The following NAA60 variants were observed in gnomAD, a reference collection of about 807,000 sequenced individuals.
NAA60 encodes N-alpha-acetyltransferase 60.
Under a neutral mutation model 26.1 loss-of-function variants are expected in NAA60, and 8 were observed. The ratio of observed to expected loss-of-function variants is 0.31; its 90% CI spans 0.18 to 0.55. NAA60 has a LOEUF of 0.55. Among genes scored for constraint, NAA60 ranks in the 20% least tolerant of loss-of-function variants. The pLI is 0.93. For missense variants in NAA60, 290 were observed against 311.3 expected (o/e 0.93, Z 0.51); for synonymous variants, 131 against 122.5 (o/e 1.07, Z -0.46).
At chr16:3,466,459 T>A (rs1002139732) in intron 2 of NAA60, among the ~76,000 whole-genome samples, 1 of 152,224 alleles carries the variant, frequency 6.6e-6, no homozygotes, top group African/African-American at 2.4e-5. Context: ...TGCGCAGTGT[T>A]AGCTGCTGAC....
chr16:3,448,615 AT>A (rs2034648916), intron 2 of NAA60, 75 bp downstream of exon 2: 1 of 1,230,662 alleles, frequency 8.1e-7, no homozygotes. Flanking sequence ...AGTGAAATCC[AT>A]TTTTGACCTG....
At chr16:3,455,509 C>T (rs2034954395) in intron 2 of NAA60, among the ~76,000 whole-genome samples, 1 of 151,040 alleles carries the variant, frequency 6.6e-6, no homozygotes, top group Admixed American at 6.6e-5. Flanking sequence ...ATTCTCCTGC[C>T]TCAGCCTCCC....
chr16:3,474,954 A>G (rs1034346156), intron 2 of NAA60, among the ~76,000 whole-genome samples: 1 of 152,048 alleles, frequency 6.6e-6, no homozygotes, highest in African/African-American at 2.4e-5. Context: ...TTGTTTATTT[A>G]TTTATTTTTA....
chr16:3,482,678 C>A, intron 5 of NAA60, 80 bp downstream of exon 5: 1 of 980,144 alleles, frequency 1.0e-6, no homozygotes, highest in Non-Finnish European at 1.5e-6. Context: ...TGCACCCAGT[C>A]TCTTCCCTGG....
chr16:3,483,445 C>T lies in NAA60; in HGVS notation c.420C>T (p.Leu140=). ...DHCKAIYLHV[L]TTNNTAINFY... ...GCAAAGCCATTTACCTGCATGTCCT[C>T]ACCACCAACAACACAGCAATAAACT... is the stretch of plus-strand genomic sequence containing the variant. Residue 140 remains leucine (L), a synonymous_variant, in exon 6 of 8, where the codon CTC becomes CTT. Transcript: ENST00000407558. 2 of 1,614,036 alleles carry T rather than the reference C, an allele frequency of 1.2e-6. No homozygotes were observed. The highest frequency in any genetic ancestry group is 1.7e-6 in the Non-Finnish European group (2 of 1,179,892).
At chr16:3,460,278 T>G (rs1037925057) in intron 2 of NAA60, among the ~76,000 whole-genome samples, 6 of 152,242 alleles carry the variant, frequency 3.9e-5, no homozygotes, top group African/African-American at 7.2e-5. Flanking sequence ...CACATCTGCG[T>G]CATCTCCATT....
chr16:3,483,683 C>A, intron 6 of NAA60, 86 bp downstream of exon 6: 1 of 1,047,076 alleles, frequency 9.6e-7, no homozygotes, highest in South Asian at 1.4e-5. Flanking sequence ...CTGTGGTCCC[C>A]CTCAGATGAT....
At chr16:3,452,095 C>G (rs1464253473) in intron 2 of NAA60, among the ~76,000 whole-genome samples, 1 of 152,070 alleles carries the variant, frequency 6.6e-6, no homozygotes, top group East Asian at 1.9e-4. Context: ...TGCCTGTACT[C>G]CCAGCTACTG....
intron 3 of NAA60, among the ~76,000 whole-genome samples, chr16:3,478,490 A>G (rs1028667387): frequency 6.6e-6 from 1 of 152,114 alleles, no homozygotes; most frequent in African/African-American, 2.4e-5. Flanking sequence ...CAGCAAAACT[A>G]ACCCTACACA....
chr16:3,458,513 G>A (rs1204018540), intron 2 of NAA60, among the ~76,000 whole-genome samples: 3 of 152,182 alleles, frequency 2.0e-5, no homozygotes, highest in Admixed American at 6.5e-5. Context: ...CAACTAGAGG[G>A]TGGTCCTCAT....
chr16:3,472,303 G>A (rs4786421), intron 2 of NAA60: 63,119 of 152,082 alleles, frequency 0.42, 14,436 homozygotes, highest in African/African-American at 0.62. Flanking sequence ...CTCTCAGTGC[G>A]GACAACAGAG....
intron 1 of NAA60, 164 bp downstream of exon 1, chr16:3,444,001 C>A: frequency 1.5e-6 from 2 of 1,293,288 alleles, no homozygotes; most frequent in South Asian, 1.9e-5. Context: ...TGTGTACGTT[C>A]ACAACGTTCA....
chr16:3,476,151 C>G lies in NAA60; in HGVS notation c.-6-71C>G, dbSNP rs999450961. 7.4e-6 allele frequency: 9 copies of G among 1,214,176 alleles called. No homozygotes were observed. In the African/African-American group the frequency reaches 1.3e-4, roughly 18 times the overall value. 75.2% of individuals were successfully genotyped at this position (1,214,176 alleles called of 1,614,324 possible). ...ACATGCTCCGTGCTCTTCTGTCTCG[C>G]CTGCCTCACAAGCTGAGCATGAGGA... On this transcript the variant is annotated intron_variant, in intron 2 of 7. Transcript: ENST00000407558.
intron 2 of NAA60, among the ~76,000 whole-genome samples, chr16:3,454,854 G>C (rs115735047): frequency 1.9e-3 from 287 of 152,298 alleles, no homozygotes; most frequent in African/African-American, 6.5e-3. Context: ...ACAAGGGGTA[G>C]AGTCTGTGCC....
intron 2 of NAA60, among the ~76,000 whole-genome samples, chr16:3,476,010 C>T (rs1163881833): frequency 6.6e-6 from 1 of 152,242 alleles, no homozygotes; most frequent in Non-Finnish European, 1.5e-5. Context: ...CCCATCCTGC[C>T]TGCCCTCCTG....
At chr16:3,457,222 G>C (rs1204413399) in intron 2 of NAA60, among the ~76,000 whole-genome samples, 1 of 152,180 alleles carries the variant, frequency 6.6e-6, no homozygotes, top group East Asian at 1.9e-4. Flanking sequence ...CAGGCGGGCA[G>C]ATCACTTGAG....
intron 2 of NAA60, among the ~76,000 whole-genome samples, chr16:3,456,341 G>A (rs1462634752): frequency 1.3e-5 from 2 of 152,194 alleles, no homozygotes; most frequent in Non-Finnish European, 2.9e-5. Flanking sequence ...TGAGTAGCAG[G>A]CACCTGAGTT....
chr16:3,473,504 C>A (rs1028221941), intron 2 of NAA60, among the ~76,000 whole-genome samples: 3 of 152,196 alleles, frequency 2.0e-5, no homozygotes, highest in Non-Finnish European at 1.5e-5. Context: ...TTATCTCCCA[C>A]CAGGTCCCTC....
chr16:3,451,246 G>A (rs763264939), intron 2 of NAA60, among the ~76,000 whole-genome samples: 21 of 152,278 alleles, frequency 1.4e-4, no homozygotes, highest in Non-Finnish European at 2.2e-4. Context: ...TCACTTGCAC[G>A]CCTTTTATTT....
Sources: gnomAD v4.1 joint callset for allele counts (sites outside exome capture counted in the v4.1 genomes callset) on GRCh38, gnomAD v4.1.1 for gene constraint, MANE v1.5 for transcripts, NCBI Gene and HGNC (gene_info 2026-07-23, HGNC 2026-07-21) for gene names.